Variants in VTI1A observed in about 807,000 individuals in gnomAD.
The protein encoded by VTI1A is vesicle transport through interaction with t-SNAREs homolog 1A.
VTI1A carries 22 observed loss-of-function variants against 34.9 expected under a neutral mutation model. The ratio of observed to expected loss-of-function variants is 0.63; its 90% CI spans 0.45 to 0.90. The LOEUF (loss-of-function observed/expected upper bound fraction) is 0.90. VTI1A is among the 40% of genes least tolerant of loss of function. VTI1A has a pLI of 0.00. For synonymous variants in VTI1A, 87 were observed against 97.3 expected (o/e 0.89, Z 0.62); for missense variants, 268 against 275.6 (o/e 0.97, Z 0.20).
chr10:112,753,830 G>A (rs945832461), intron 7 of VTI1A, among the ~76,000 whole-genome samples: 2 of 152,138 alleles, frequency 1.3e-5, no homozygotes, highest in South Asian at 2.1e-4. Context: ...TTGACTTTGT[G>A]GGGCTTATAA....
intron 7 of VTI1A, among the ~76,000 whole-genome samples, chr10:112,811,057 G>A (rs1054689759): frequency 6.6e-6 from 1 of 152,194 alleles, no homozygotes; most frequent in East Asian, 1.9e-4. Flanking sequence ...TCTGAGAGGC[G>A]GACGGTAGCG....
At chr10:112,801,578 T>A (rs1852878409) in intron 7 of VTI1A, among the ~76,000 whole-genome samples, 1 of 152,188 alleles carries the variant, frequency 6.6e-6, no homozygotes, top group African/African-American at 2.4e-5. Flanking sequence ...AGAACTCTAT[T>A]CCAACAGATC....
At chr10:112,804,954 G>C (rs1853020174) in intron 7 of VTI1A, among the ~76,000 whole-genome samples, 1 of 148,292 alleles carries the variant, frequency 6.7e-6, no homozygotes, top group African/African-American at 2.5e-5. Flanking sequence ...TTGAACTCCT[G>C]GGCTTAAGCA....
At chr10:112,729,599 C>T (rs1047806006) in intron 7 of VTI1A, among the ~76,000 whole-genome samples, 1 of 152,102 alleles carries the variant, frequency 6.6e-6, no homozygotes, top group Non-Finnish European at 1.5e-5. Context: ...AGACCACATG[C>T]GAAATATACA....
chr10:112,615,882 A>G (rs11196021), intron 5 of VTI1A, among the ~76,000 whole-genome samples: 14,720 of 152,142 alleles, frequency 0.097, 785 homozygotes, highest in Non-Finnish European at 0.11. Flanking sequence ...GGAGTAAGGT[A>G]GAGTGTGCTA....
intron 7 of VTI1A, among the ~76,000 whole-genome samples, chr10:112,699,477 A>G (rs1228304090): frequency 6.6e-6 from 1 of 152,244 alleles, no homozygotes; most frequent in East Asian, 1.9e-4. Flanking sequence ...ATTAACCTAA[A>G]TTTAAACTAT....
At chr10:112,517,091 C>T (rs757820707) in intron 3 of VTI1A, among the ~76,000 whole-genome samples, 3 of 151,942 alleles carry the variant, frequency 2.0e-5, no homozygotes, top group Non-Finnish European at 4.4e-5. Flanking sequence ...CCTAGGGGAA[C>T]ACCAGCATTC....
intron 5 of VTI1A, among the ~76,000 whole-genome samples, chr10:112,568,276 G>C (rs1287308908): frequency 6.6e-6 from 1 of 152,144 alleles, no homozygotes; most frequent in Non-Finnish European, 1.5e-5. Context: ...AGAGGCCGAG[G>C]TGGGCAGATC....
chr10:112,619,690 G>A (rs193026408), intron 5 of VTI1A, among the ~76,000 whole-genome samples: 24 of 152,302 alleles, frequency 1.6e-4, no homozygotes, highest in South Asian at 4.1e-4. Flanking sequence ...AGACACAGCT[G>A]GGGGAGGAAT....
At chr10:112,837,893 G>A in the VTI1A span, among the ~76,000 whole-genome samples, 2 of 152,208 alleles carry the variant, frequency 1.3e-5, no homozygotes, top group South Asian at 4.1e-4. Flanking sequence ...TAGAAAAGGG[G>A]AGGGAGGGAG....
the VTI1A span, among the ~76,000 whole-genome samples, chr10:112,842,037 CTTTTTTTTTTTTCCTTTT>C: frequency 9.3e-4 from 37 of 39,898 alleles, 1 homozygote; most frequent in Non-Finnish European, 4.7e-4. Flanking sequence ...GAGTTCTTTT[CTTTTTTTTTTTTCCTTTT>C]TTTTTTTTTT....
At chr10:112,708,763 C>T (rs1460460135) in intron 7 of VTI1A, among the ~76,000 whole-genome samples, 2 of 152,236 alleles carry the variant, frequency 1.3e-5, no homozygotes, top group South Asian at 2.1e-4. Flanking sequence ...AAATGCTGCT[C>T]ATATTTCTAT....
chr10:112,761,863 A>G (rs1447331145), intron 7 of VTI1A, among the ~76,000 whole-genome samples: 1 of 145,368 alleles, frequency 6.9e-6, no homozygotes, highest in African/African-American at 2.6e-5. Flanking sequence ...CTATACACGT[A>G]GCAATCTTGT....
chr10:112,790,286 C>A (rs1396793398), intron 7 of VTI1A, among the ~76,000 whole-genome samples: 2 of 152,178 alleles, frequency 1.3e-5, no homozygotes, highest in Non-Finnish European at 2.9e-5. Context: ...TTGCAGAGCA[C>A]ATTCAAAGTT....
intron 7 of VTI1A, chr10:112,677,780 T>G (rs1848082051): frequency 6.6e-6 from 1 of 151,932 alleles, no homozygotes; most frequent in African/African-American, 2.4e-5. Flanking sequence ...TACTGGAGAG[T>G]GGTGATAGTG....
intron 3 of VTI1A, among the ~76,000 whole-genome samples, chr10:112,506,606 T>A (rs1378667789): frequency 6.6e-6 from 1 of 152,230 alleles, no homozygotes; most frequent in Non-Finnish European, 1.5e-5. Context: ...GCTCTTGTTG[T>A]CTTCTATTTT....
rs550545534 is a variant in VTI1A at position 112,584,537 on chromosome 10, A to G, written c.427+46207A>G. On this transcript the variant is annotated intron_variant, in intron 5 of 7. Transcript: ENST00000393077. Reference sequence around the variant, plus strand: ...TCGCTCGCCTGTCAGGTATGCTTCCAACATACAGGCATGCGCCATTGGAAG... The same window carrying G: ...TCGCTCGCCTGTCAGGTATGCTTCCGACATACAGGCATGCGCCATTGGAAG... 3.5e-3 allele frequency among the ~76,000 whole-genome samples: 533 copies of G among 152,324 alleles called. 2 individuals carry two copies. Among genetic ancestry groups the G allele is most frequent in the Non-Finnish European group, 5.7e-3 (388 of 68,020 alleles).
chr10:112,764,911 T>C (rs1851595566), intron 7 of VTI1A, among the ~76,000 whole-genome samples: 1 of 152,218 alleles, frequency 6.6e-6, no homozygotes, highest in Non-Finnish European at 1.5e-5. Flanking sequence ...GGTACTAATA[T>C]ATCCTTAGAG....
At chr10:112,578,332 A>T (rs1843784674) in intron 5 of VTI1A, among the ~76,000 whole-genome samples, 1 of 152,186 alleles carries the variant, frequency 6.6e-6, no homozygotes, top group East Asian at 1.9e-4. Context: ...GGCAGGGATG[A>T]AGGGAGAGTT....
Sources: allele counts gnomAD v4.1 joint callset (sites outside exome capture counted in the v4.1 genomes callset), GRCh38; gene constraint gnomAD v4.1.1; transcripts MANE v1.5; gene names NCBI Gene and HGNC (gene_info 2026-07-23, HGNC 2026-07-21).